Variants in LEKR1 observed in about 807,000 individuals in gnomAD.
The protein encoded by LEKR1 is protein LEKR1.
A neutral mutation model predicts 72.4 loss-of-function variants in LEKR1; 59 were observed. That is an observed-to-expected ratio of 0.82 (90% CI 0.66 to 1.01). The LOEUF (loss-of-function observed/expected upper bound fraction) is 1.01, where lower values mean the gene tolerates loss of function less well. Ranked by LOEUF, LEKR1 falls within the 50% of genes least tolerant of loss-of-function variation. The pLI, the probability that LEKR1 is intolerant of heterozygous loss-of-function variation, is 0.00. For missense variants in LEKR1, 728 were observed against 759.2 expected (o/e 0.96, Z 0.48); for synonymous variants, 257 against 263.2 (o/e 0.98, Z 0.23).
At chr3:157,030,584 A>G (rs1334471352) in intron 12 of LEKR1, among the ~76,000 whole-genome samples, 1 of 152,230 alleles carries the variant, frequency 6.6e-6, no homozygotes, top group East Asian at 1.9e-4. Flanking sequence ...TAAGTTATCT[A>G]TTGCTACGTG....
intron 3 of LEKR1, among the ~76,000 whole-genome samples, chr3:156,912,203 T>A (rs1723182266): frequency 6.6e-6 from 1 of 152,190 alleles, no homozygotes; most frequent in Non-Finnish European, 1.5e-5. Context: ...ATAAATTGTA[T>A]AATAATGAAT....
At chr3:156,977,109 A>C (rs1036275130) in intron 6 of LEKR1, among the ~76,000 whole-genome samples, 2 of 152,144 alleles carry the variant, frequency 1.3e-5, no homozygotes, top group African/African-American at 2.4e-5. Flanking sequence ...CTTCCAGCCC[A>C]TGATGAAAAA....
Position 156,897,139 on chromosome 3 carries a change from A to G in LEKR1, c.264-23436A>G, listed in dbSNP as rs560783582. On this transcript the variant is annotated intron_variant, in intron 3 of 12. Coordinates refer to ENST00000356539, the MANE Select transcript of LEKR1 (RefSeq NM_001004316.3). ...GTTGATGAAATAGTTTGCACACCAA[A>G]CCCTGTGACACACAATTAACCCATA... 6.6e-5 allele frequency among the ~76,000 whole-genome samples: 10 copies of G among 152,282 alleles called. No homozygotes were observed. In the Middle Eastern group the frequency reaches 0.014, roughly 207 times the overall value.
intron 2 of LEKR1, among the ~76,000 whole-genome samples, chr3:156,850,955 G>A (rs1454146391): frequency 6.6e-6 from 1 of 152,084 alleles, no homozygotes; most frequent in South Asian, 2.1e-4. Flanking sequence ...GTATATAAAA[G>A]CAAAATATAA....
intron 3 of LEKR1, among the ~76,000 whole-genome samples, chr3:156,879,049 G>T (rs1718965810): frequency 6.6e-6 from 1 of 152,108 alleles, no homozygotes. Flanking sequence ...CAGTAAATTG[G>T]TACCGGTAGA....
chr3:156,894,429 C>G (rs966425139), intron 3 of LEKR1, among the ~76,000 whole-genome samples: 1 of 152,160 alleles, frequency 6.6e-6, no homozygotes. Context: ...GGAAAATATT[C>G]TGCATCTATT....
At chr3:156,866,665 A>G (rs1299594143) in intron 3 of LEKR1, among the ~76,000 whole-genome samples, 7 of 151,864 alleles carry the variant, frequency 4.6e-5, no homozygotes, top group African/African-American at 1.2e-4. Flanking sequence ...TTTGGTACCT[A>G]TTGATATGAT....
intron 6 of LEKR1, among the ~76,000 whole-genome samples, chr3:156,962,500 A>G (rs900511761): frequency 2.6e-5 from 4 of 152,196 alleles, no homozygotes; most frequent in African/African-American, 4.8e-5. Context: ...TAAAATTCTA[A>G]GAAATCTTTT....
At chr3:156,994,328 G>A (rs1157925057) in intron 9 of LEKR1, among the ~76,000 whole-genome samples, 1 of 151,864 alleles carries the variant, frequency 6.6e-6, no homozygotes, top group Non-Finnish European at 1.5e-5. Context: ...CTGTTCCCTG[G>A]GCACCAAATC....
In LEKR1 at chr3:156,899,263, T is replaced by C. The variant is rs866550011; in HGVS notation, c.264-21312T>C. On this transcript the variant is annotated intron_variant, in intron 3 of 12. Transcript: ENST00000356539. ...ATATACATATATATACATATATATA[T>C]ATACACACATGTATATATATACATG... Among the ~76,000 whole-genome samples, 22 of 135,608 alleles carry C rather than the reference T, an allele frequency of 1.6e-4. 1 individual carries two copies. Among genetic ancestry groups the C allele is most frequent in the South Asian group, 4.2e-4 (2 of 4,708 alleles). The allele number at this position is 135,608 out of a possible 152,430, so 89.0% of individuals were successfully genotyped here.
chr3:156,882,576 T>C (rs971443279), intron 3 of LEKR1, among the ~76,000 whole-genome samples: 2 of 152,148 alleles, frequency 1.3e-5, no homozygotes, highest in African/African-American at 2.4e-5. Flanking sequence ...AGTTCAACCA[T>C]TGTGGAAGTC....
chr3:157,038,717 A>C (rs189723879), intron 12 of LEKR1, among the ~76,000 whole-genome samples: 339 of 152,360 alleles, frequency 2.2e-3, no homozygotes, highest in African/African-American at 7.7e-3. Flanking sequence ...ACAGGCCCAC[A>C]GTCCCTTATC....
At chr3:156,909,805 A>G (rs1047659003) in intron 3 of LEKR1, among the ~76,000 whole-genome samples, 1 of 152,028 alleles carries the variant, frequency 6.6e-6, no homozygotes, top group African/African-American at 2.4e-5. Flanking sequence ...TTAAAAATAT[A>G]TTTTGGTGCT....
intron 3 of LEKR1, chr3:156,853,198 A>G (rs1715612783): frequency 3.4e-6 from 1 of 294,816 alleles, no homozygotes; most frequent in Non-Finnish European, 6.1e-6. Flanking sequence ...TTAGAAACCA[A>G]TTAATTTAGT....
Position 156,956,798 on chromosome 3 carries a change from T to C in LEKR1, c.745+14084T>C, listed in dbSNP as rs78568769. Among the ~76,000 whole-genome samples the C allele has an allele frequency of 4.4e-3, 674 of 151,976 alleles. 2 individuals carry two copies. Among genetic ancestry groups the C allele is most frequent in the African/African-American group, 0.016 (651 of 41,470 alleles). On this transcript the variant is annotated intron_variant, in intron 6 of 12. Coordinates refer to ENST00000356539, the MANE Select transcript of LEKR1 (RefSeq NM_001004316.3). ...ATATATGATATATGAAGTGTTAAAATCCACACCATGTAAAGGATTTATTCA... is the reference window on the plus strand; with the variant it reads ...ATATATGATATATGAAGTGTTAAAACCCACACCATGTAAAGGATTTATTCA...
intron 9 of LEKR1, among the ~76,000 whole-genome samples, chr3:156,999,375 A>G (rs951048997): frequency 6.6e-6 from 1 of 151,406 alleles, no homozygotes; most frequent in African/African-American, 2.4e-5. Context: ...TTTTCTTTCT[A>G]TCCCTCCTTC....
rs1271857529 is a variant in LEKR1, at chr3:156,942,660, C to A, written c.691C>A (p.Gln231Lys). 2 of 1,269,686 alleles carry A rather than the reference C, an allele frequency of 1.6e-6. No individual in the cohort carries two copies. The highest frequency in any genetic ancestry group is 1.3e-5 in the South Asian group (1 of 77,084). The allele number at this position is 1,269,686 out of a possible 1,614,324, so 78.7% of individuals were successfully genotyped here. The change falls in exon 6 of 13, where the codon CAA becomes AAA. Residue 231 changes from glutamine to lysine, a missense_variant. Gln to Lys is a moderately conservative substitution (Grantham distance 53, BLOSUM62 1). Transcript: ENST00000356539. ...ATCTCAGCAGATTCGGACATCTAGA[C>A]AACAGGAAGTAAACTTGCAAACCAG... ...LRSQQIRTSR[Q>K]QEVNLQTRCY...
At chr3:156,909,322 A>C (rs894932919) in intron 3 of LEKR1, among the ~76,000 whole-genome samples, 4 of 152,060 alleles carry the variant, frequency 2.6e-5, no homozygotes, top group African/African-American at 9.7e-5. Flanking sequence ...TGTAATTTCC[A>C]TTTTTATTTT....
At chr3:157,031,356 AG>A (rs1734595360) in intron 12 of LEKR1, among the ~76,000 whole-genome samples, 1 of 152,160 alleles carries the variant, frequency 6.6e-6, no homozygotes, top group Non-Finnish European at 1.5e-5. Context: ...ATCATCCCAA[AG>A]GTAAAGAAAA....
Sources: allele counts gnomAD v4.1 joint callset (sites outside exome capture counted in the v4.1 genomes callset), GRCh38; gene constraint gnomAD v4.1.1; transcripts MANE v1.5; gene names NCBI Gene and HGNC (gene_info 2026-07-23, HGNC 2026-07-21).